Variants in KPNA4 observed in about 807,000 individuals in gnomAD.
The protein encoded by KPNA4 is importin subunit alpha-3.
KPNA4 carries 13 observed loss-of-function variants against 71.3 expected under a neutral mutation model. The ratio of observed to expected loss-of-function variants is 0.18; its 90% CI spans 0.12 to 0.29. The LOEUF is 0.29. KPNA4 is among the 10% of genes least tolerant of loss of function. KPNA4 has a pLI of 1.00. For synonymous variants in KPNA4, 189 were observed against 195.2 expected, an observed-to-expected ratio of 0.97 and a Z score of 0.26; for missense variants, 334 against 603.2, an observed-to-expected ratio of 0.55 and a Z score of 4.67.
rs1720919003 is a variant in KPNA4 at position 160,503,291 on chromosome 3, T to A, written c.1468-1089A>T. ...GGGCTTAAAATAGTAAAATACAGATTGAGTATCCCTAATCTGAAAGTACAA... is the reference window on the plus strand; with the variant it reads ...GGGCTTAAAATAGTAAAATACAGATAGAGTATCCCTAATCTGAAAGTACAA... On this transcript the variant is annotated intron_variant, in intron 16 of 16. Coordinates refer to ENST00000334256, the MANE Select transcript of KPNA4 (RefSeq NM_002268.5). Among the ~76,000 whole-genome samples the A allele has an allele frequency of 3.3e-5, 5 of 152,170 alleles. No individual in the cohort carries two copies. In the South Asian group the frequency reaches 1.0e-3, roughly 31 times the overall value.
intron 11 of KPNA4, among the ~76,000 whole-genome samples, chr3:160,520,327 C>T (rs1259979955): frequency 6.6e-6 from 1 of 151,734 alleles, no homozygotes; most frequent in East Asian, 1.9e-4. Flanking sequence ...TCTTGGCTCA[C>T]TACAACCTCT....
intron 7 of KPNA4, among the ~76,000 whole-genome samples, chr3:160,530,078 T>C (rs1480692565): frequency 7.5e-6 from 1 of 133,750 alleles, no homozygotes; most frequent in Non-Finnish European, 1.5e-5. Context: ...GAGCTTGCAG[T>C]GAGCCGAGAT....
chr3:160,565,178 C>A, intron 1 of KPNA4, 36 bp downstream of exon 1: 1 of 1,559,596 alleles, frequency 6.4e-7, no homozygotes, highest in Non-Finnish European at 8.8e-7. Context: ...CCCAGGCCCA[C>A]AGCCCCCACC....
rs753959076 is a variant in KPNA4 at position 160,509,854 on chromosome 3, T to C, written c.1155A>G (p.Gln385=). The C allele has an allele frequency of 3.7e-6, 6 of 1,612,804 alleles. No individual in the cohort carries two copies. In the South Asian group the frequency reaches 4.4e-5, roughly 12 times the overall value. Residue 385 remains glutamine (Q), a synonymous_variant, in exon 14 of 17, where the codon CAA becomes CAG. Coordinates refer to ENST00000334256, the MANE Select transcript of KPNA4 (RefSeq NM_002268.5). ...TACTTATGGCCCAAGCAGCTTCTTT[T>C]TGAGTGCCAAAATCCCCCTGTAAAA... ...HLLDKGDFGT[Q]KEAAWAISNL...
chr3:160,532,696 C>T (rs936223979), intron 5 of KPNA4, among the ~76,000 whole-genome samples: 3 of 152,182 alleles, frequency 2.0e-5, no homozygotes, highest in Admixed American at 1.3e-4. Flanking sequence ...GAAAGCTTAA[C>T]CAAATCATTT....
chr3:160,552,524 AG>A (rs1560055966), intron 1 of KPNA4, among the ~76,000 whole-genome samples: 1 of 152,228 alleles, frequency 6.6e-6, no homozygotes. Context: ...TGTACAAAAT[AG>A]GTAAGTTTCA....
intron 13 of KPNA4, among the ~76,000 whole-genome samples, chr3:160,512,592 T>A (rs542750780): frequency 1.3e-5 from 2 of 152,180 alleles, no homozygotes; most frequent in Non-Finnish European, 2.9e-5. Flanking sequence ...TGGCCGGGCA[T>A]GGATGGCTCA....
chr3:160,535,361 T>C, intron 5 of KPNA4, 152 bp downstream of exon 5: 1 of 508,832 alleles, frequency 2.0e-6, no homozygotes. Flanking sequence ...AACCACAGAA[T>C]TAAAAAAATA....
chr3:160,509,765 G>C (rs766057969), intron 14 of KPNA4, 35 bp downstream of exon 14: 1 of 1,290,180 alleles, frequency 7.8e-7, no homozygotes, highest in South Asian at 1.2e-5. Flanking sequence ...TATTTTACCA[G>C]TTTTGAGAAA....
chr3:160,503,122 AACAAAACAAAACAAATC>A (rs1170206626), intron 16 of KPNA4, among the ~76,000 whole-genome samples: 1 of 151,994 alleles, frequency 6.6e-6, no homozygotes, highest in Non-Finnish European at 1.5e-5. Context: ...AACAAAACAA[AACAAAACAAAACAAATC>A]ACAAAACAAA....
intron 1 of KPNA4, among the ~76,000 whole-genome samples, chr3:160,544,159 C>G (rs550140960): frequency 6.6e-6 from 1 of 152,280 alleles, no homozygotes; most frequent in East Asian, 1.9e-4. Context: ...TGCCCGGCCT[C>G]CTTGACCTTT....
rs1720841458 is a variant in KPNA4 at position 160,499,822 on chromosome 3, C to T, written c.*2282G>A. On this transcript the variant is annotated 3_prime_UTR_variant, in exon 17 of 17. Transcript: ENST00000334256. ...TGTGTTCACCTTCCAATTACTGAAACCTTCTGTACTATGCTTTGTATACAA... is the reference window on the plus strand; with the variant it reads ...TGTGTTCACCTTCCAATTACTGAAATCTTCTGTACTATGCTTTGTATACAA... The T allele has an allele frequency of 6.6e-6, 1 of 152,000 alleles. No homozygotes were observed. Among genetic ancestry groups the T allele is most frequent in the South Asian group, 2.1e-4 (1 of 4,826 alleles). The allele number at this position is 152,000 out of a possible 1,614,324, so 9.4% of individuals were successfully genotyped here. A position where few individuals can be genotyped will look rare whatever the true frequency, so the allele number is the denominator to read the frequency against.
chr3:160,503,872 C>A (rs1720931655), intron 16 of KPNA4, among the ~76,000 whole-genome samples: 1 of 152,084 alleles, frequency 6.6e-6, no homozygotes. Flanking sequence ...TGTTTGAGTC[C>A]AGGAGTTCAA....
At chr3:160,536,907 T>A in intron 1 of KPNA4, 67 bp from the exon 2 acceptor site, 1 of 913,038 alleles carries the variant, frequency 1.1e-6, no homozygotes, top group Non-Finnish European at 1.8e-6. Context: ...AGAAAACCAC[T>A]ATTAACATTT....
intron 11 of KPNA4, 146 bp downstream of exon 11, chr3:160,521,633 T>C: frequency 1.3e-6 from 1 of 747,498 alleles, no homozygotes; most frequent in East Asian, 2.6e-5. Flanking sequence ...CAATGGCATC[T>C]TATTATTTAT....
At position 160,560,999 on chromosome 3, in the gene KPNA4, G is replaced by A. The variant is rs555023972; in HGVS notation, c.69+4215C>T. ...CTGTACACTTTAACAAATCACTGAG[G>A]CTCTTTCAAAACAACAAAACAGCTG... On this transcript the variant is annotated intron_variant, in intron 1 of 16. Coordinates refer to ENST00000334256, the MANE Select transcript of KPNA4 (RefSeq NM_002268.5). Among the ~76,000 whole-genome samples, 70 of 151,694 alleles carry A rather than the reference G, an allele frequency of 4.6e-4. 2 individuals carry two copies. The South Asian group carries it at 9.7e-3, about 21-fold the overall frequency.
intron 1 of KPNA4, among the ~76,000 whole-genome samples, chr3:160,551,939 T>TGGG (rs56941217): frequency 0.01 from 650 of 61,954 alleles, 24 homozygotes; most frequent in Middle Eastern, 0.023. Flanking sequence ...TTGTCACAAC[T>TGGG]GGGGGGGGGG....
chr3:160,548,847 C>CT (rs1560055013), intron 1 of KPNA4, among the ~76,000 whole-genome samples: 1 of 152,128 alleles, frequency 6.6e-6, no homozygotes, highest in Non-Finnish European at 1.5e-5. Flanking sequence ...CTATTTTTCA[C>CT]TTTTTGGGAA....
intron 1 of KPNA4, among the ~76,000 whole-genome samples, chr3:160,537,252 GC>G (rs1248388321): frequency 2.7e-5 from 4 of 150,516 alleles, no homozygotes; most frequent in Admixed American, 2.6e-4. Flanking sequence ...AGCCAAAGGA[GC>G]CCTCCTGCTC....
Sources: gnomAD v4.1 joint callset for allele counts (sites outside exome capture counted in the v4.1 genomes callset) on GRCh38, gnomAD v4.1.1 for gene constraint, MANE v1.5 for transcripts, NCBI Gene and HGNC (gene_info 2026-07-23, HGNC 2026-07-21) for gene names.